RGPD8: variants seen among roughly 807,000 people sequenced by gnomAD.
The protein encoded by RGPD8 is RANBP2 like and GRIP domain containing 8.
RGPD8 carries 15 observed loss-of-function variants against 89.1 expected under a neutral mutation model. The observed-to-expected ratio is 0.17, with a 90% CI of 0.11 to 0.26. The LOEUF (loss-of-function observed/expected upper bound fraction) is 0.26, where lower values mean the gene tolerates loss of function less well. RGPD8 is among the 10% of genes least tolerant of loss of function. The pLI is 1.00. For synonymous variants in RGPD8, 62 were observed against 420.9 expected, an observed-to-expected ratio of 0.15 and a Z score of 10.44; for missense variants, 178 against 1,179.6, an observed-to-expected ratio of 0.15 and a Z score of 12.44.
chr2:112,433,354 G>A (rs745619179), intron 1 of RGPD8, 28 bp downstream of exon 1: 1 of 1,595,420 alleles, frequency 6.3e-7, no homozygotes, highest in Non-Finnish European at 8.5e-7. Flanking sequence ...CCGGGTCGAG[G>A]CCGCCGCTCT....
intron 9 of RGPD8, among the ~76,000 whole-genome samples, chr2:112,402,511 A>AAGAAAAGAAAAGAAAAGAAAAGAAG (rs1443722994): frequency 1.3e-5 from 2 of 152,162 alleles, no homozygotes; most frequent in African/African-American, 4.8e-5. Context: ...AAGAAAAGAA[A>AAGAAAAGAAAAGAAAAGAAAAGAAG]AGAAAAGAAA....
intron 1 of RGPD8, chr2:112,432,458 C>T (rs1401775420): frequency 2.0e-6 from 2 of 984,896 alleles, no homozygotes; most frequent in Non-Finnish European, 2.4e-6. Flanking sequence ...ACACCTCATA[C>T]TCAAAACAAG....
chr2:112,419,677 C>T (rs1353338258), intron 4 of RGPD8, among the ~76,000 whole-genome samples: 9 of 148,806 alleles, frequency 6.0e-5, no homozygotes, highest in African/African-American at 1.7e-4. Context: ...TTCAAAGTAT[C>T]TAACTTGTTA....
intron 22 of RGPD8, among the ~76,000 whole-genome samples, chr2:112,377,280 GTTTT>G (rs1189164529): frequency 1.9e-5 from 1 of 52,456 alleles, no homozygotes; most frequent in African/African-American, 1.1e-4. Context: ...CTACATCATA[GTTTT>G]TTTTTTTTTT....
chr2:112,430,668 T>TA (rs931608412), intron 1 of RGPD8, among the ~76,000 whole-genome samples: 44 of 149,452 alleles, frequency 2.9e-4, no homozygotes, highest in Middle Eastern at 3.4e-3. Flanking sequence ...TAAGCTTGTT[T>TA]AAAAAAAAAA....
chr2:112,432,634 A>T (rs13422242), intron 1 of RGPD8: 147,408 of 984,776 alleles, frequency 0.15, 11,353 homozygotes, highest in Middle Eastern at 0.17. Flanking sequence ...ATATAAAGTA[A>T]ATGTCCAGGA....
At chr2:112,410,897 C>A (rs1350683340) in intron 7 of RGPD8, among the ~76,000 whole-genome samples, 2 of 152,282 alleles carry the variant, frequency 1.3e-5, no homozygotes, top group African/African-American at 4.8e-5. Flanking sequence ...ACCAGCCTGA[C>A]CAACATGGAG....
At chr2:112,374,456 T>C (rs1158572448) in intron 22 of RGPD8, among the ~76,000 whole-genome samples, 1 of 145,584 alleles carries the variant, frequency 6.9e-6, no homozygotes, top group African/African-American at 2.5e-5. Flanking sequence ...ATATAAAAGG[T>C]TGGCAGTTAT....
intron 7 of RGPD8, among the ~76,000 whole-genome samples, chr2:112,411,090 G>A (rs1679168689): frequency 6.6e-6 from 1 of 152,144 alleles, no homozygotes; most frequent in East Asian, 1.9e-4. Flanking sequence ...GTCTCAAAAA[G>A]AAAAAAAGAT....
chr2:112,425,332 T>C (rs1158564105), intron 1 of RGPD8, among the ~76,000 whole-genome samples: 3 of 150,146 alleles, frequency 2.0e-5, no homozygotes, highest in Admixed American at 6.6e-5. Flanking sequence ...CCATGTACTG[T>C]TCTCTCTACA....
Position 112,376,517 on chromosome 2 carries a change from T to TA in RGPD8, c.5263+1535dup, listed in dbSNP as rs1288648115. 3.6e-5 allele frequency among the ~76,000 whole-genome samples: 4 copies of TA among 111,718 alleles called. 2 individuals are homozygous for TA. In the South Asian group the frequency reaches 1.3e-3, roughly 37 times the overall value. 73.3% of individuals were successfully genotyped at this position (111,718 alleles called of 152,430 possible). A position where few individuals can be genotyped will look rare whatever the true frequency, so the allele number is the denominator to read the frequency against. On this transcript the variant is annotated intron_variant, in intron 22 of 22. Transcript: ENST00000302558. ...TACTTATATATATAATTGTTATAGA[T>TA]AAAAAAACAACAAAATGACTGGGCG...
At chr2:112,426,188 G>A (rs1377738010) in intron 1 of RGPD8, among the ~76,000 whole-genome samples, 1 of 152,124 alleles carries the variant, frequency 6.6e-6, no homozygotes. Context: ...TGGCATATGT[G>A]AACTGCCAGC....
At chr2:112,430,098 T>C (rs1201772657) in intron 1 of RGPD8, among the ~76,000 whole-genome samples, 1 of 151,714 alleles carries the variant, frequency 6.6e-6, no homozygotes, top group African/African-American at 2.4e-5. Flanking sequence ...TGTGAGGGAG[T>C]AGAAAAATGG....
At chr2:112,430,939 A>G (rs1459609104) in intron 1 of RGPD8, among the ~76,000 whole-genome samples, 1 of 152,218 alleles carries the variant, frequency 6.6e-6, no homozygotes, top group Non-Finnish European at 1.5e-5. Flanking sequence ...CCTGGGAGAC[A>G]GAAAGAGACC....
intron 1 of RGPD8, among the ~76,000 whole-genome samples, chr2:112,426,907 C>A (rs1489132900): frequency 2.7e-5 from 4 of 149,690 alleles, no homozygotes; most frequent in Non-Finnish European, 5.9e-5. Context: ...CTCACTGCAA[C>A]CTCTGCGTCC....
chr2:112,426,379 G>C (rs1679769218), intron 1 of RGPD8, among the ~76,000 whole-genome samples: 1 of 150,810 alleles, frequency 6.6e-6, no homozygotes, highest in Admixed American at 6.6e-5. Context: ...GGGTAGGACG[G>C]AGCAGGAGGC....
intron 6 of RGPD8, among the ~76,000 whole-genome samples, chr2:112,416,088 CAAAAAAA>C (rs1168507298): frequency 3.4e-5 from 3 of 88,914 alleles, no homozygotes; most frequent in Admixed American, 1.4e-4. Context: ...GACTCCATCT[CAAAAAAA>C]AAAAAAAAAA....
chr2:112,380,404 C>T lies in RGPD8; in HGVS notation c.5061+420G>A, dbSNP rs544337847. Among the ~76,000 whole-genome samples the T allele has an allele frequency of 8.1e-4, 102 of 125,772 alleles. 6 individuals are homozygous for T. The East Asian group carries it at 0.02, about 25-fold the overall frequency. The allele number at this position is 125,772 out of a possible 152,430, so 82.5% of individuals were successfully genotyped here. A position where few individuals can be genotyped will look rare whatever the true frequency, so the allele number is the denominator to read the frequency against. ...TGCGGTGGCTCACACCTGTAATACC[C>T]GCACTTCGGGAGGCCAAGGCAGGTG... On this transcript the variant is annotated intron_variant, in intron 21 of 22. Coordinates refer to ENST00000302558, the MANE Select transcript of RGPD8 (RefSeq NM_001164463.1).
chr2:112,370,128 T>C lies in RGPD8; in HGVS notation c.*50A>G, dbSNP rs1293561832. 1.1e-5 allele frequency: 14 copies of C among 1,282,388 alleles called. No homozygotes were observed. The highest frequency in any genetic ancestry group is 1.4e-5 in the Non-Finnish European group (13 of 918,696). The allele number at this position is 1,282,388 out of a possible 1,614,324, so 79.4% of individuals were successfully genotyped here. A position where few individuals can be genotyped will look rare whatever the true frequency, so the allele number is the denominator to read the frequency against. On this transcript the variant is annotated 3_prime_UTR_variant, in exon 23 of 23. Coordinates refer to ENST00000302558, the MANE Select transcript of RGPD8 (RefSeq NM_001164463.1). ...AGATTCTATTTGGTTAATAGAAGTA[T>C]TCCTTCCATCAACCTATCGAAGTCC... is the stretch of plus-strand genomic sequence containing the variant.
Sources: allele counts gnomAD v4.1 joint callset (sites outside exome capture counted in the v4.1 genomes callset), GRCh38; gene constraint gnomAD v4.1.1; transcripts MANE v1.5; gene names NCBI Gene and HGNC (gene_info 2026-07-23, HGNC 2026-07-21).